Variants in LDAH observed in about 807,000 individuals in gnomAD.
The protein encoded by LDAH is lipid droplet associated hydrolase, also known as lipid droplet-associated hydrolase.
In LDAH, 26 loss-of-function variants were observed where a neutral mutation model predicts 29.6. That is an observed-to-expected ratio of 0.88 (90% CI 0.64 to 1.22). LDAH has a LOEUF of 1.22. LDAH is among the 50% of genes most tolerant of loss of function. The pLI, the probability that LDAH is intolerant of heterozygous loss-of-function variation, is 0.00. For synonymous variants in LDAH, 117 were observed against 133.0 expected, an observed-to-expected ratio of 0.88 and a Z score of 0.83; for missense variants, 344 against 387.3, an observed-to-expected ratio of 0.89 and a Z score of 0.94.
At chr2:20,760,612 T>A (rs999541304) in intron 4 of LDAH, among the ~76,000 whole-genome samples, 3 of 152,216 alleles carry the variant, frequency 2.0e-5, no homozygotes, top group African/African-American at 7.2e-5. Context: ...GGATTTCAGT[T>A]TTTTTGTTGG....
chr2:20,753,387 A>G (rs1451296996), intron 4 of LDAH, among the ~76,000 whole-genome samples: 1 of 152,246 alleles, frequency 6.6e-6, no homozygotes, highest in African/African-American at 2.4e-5. Context: ...AATACAGGCG[A>G]CTGGAATAAT....
intron 5 of LDAH, among the ~76,000 whole-genome samples, chr2:20,730,364 G>A (rs774433297): frequency 3.3e-5 from 5 of 152,278 alleles, no homozygotes; most frequent in East Asian, 1.9e-4. Flanking sequence ...GGGTAGCTGC[G>A]TGTTTAGGTT....
chr2:20,691,256 C>T (rs936921497), intron 6 of LDAH, among the ~76,000 whole-genome samples: 1 of 152,210 alleles, frequency 6.6e-6, no homozygotes, highest in African/African-American at 2.4e-5. Flanking sequence ...CTTACTGGAG[C>T]CTTGACCTCC....
chr2:20,768,397 C>G (rs1669183984), intron 4 of LDAH, among the ~76,000 whole-genome samples: 1 of 152,204 alleles, frequency 6.6e-6, no homozygotes, highest in Non-Finnish European at 1.5e-5. Context: ...AAGCTGCTTA[C>G]AGTGTGCCTG....
At chr2:20,820,877 G>A (rs889083811) in intron 1 of LDAH, among the ~76,000 whole-genome samples, 6 of 140,862 alleles carry the variant, frequency 4.3e-5, no homozygotes, top group Non-Finnish European at 7.6e-5. Context: ...CTGACAAAGG[G>A]CTAATATCCA....
chr2:20,710,367 G>A (rs1664627122), intron 5 of LDAH, among the ~76,000 whole-genome samples: 1 of 151,890 alleles, frequency 6.6e-6, no homozygotes, highest in Non-Finnish European at 1.5e-5. Flanking sequence ...AGACAAAAAT[G>A]TTAAGCTTAC....
chr2:20,759,543 G>A lies in LDAH; in HGVS notation c.468+15267C>T, dbSNP rs375990480. On this transcript the variant is annotated intron_variant, in intron 4 of 6. Transcript: ENST00000237822. The stretch of plus-strand genomic sequence containing the variant: ...TTTTCCATACAAGCTGGAAGTGAGC[G>A]TAAAACAACCTCATACATGCTGGTT... Among the ~76,000 whole-genome samples, 95 of 152,168 alleles carry A rather than the reference G, an allele frequency of 6.2e-4. 1 individual carries two copies. Among genetic ancestry groups the A allele is most frequent in the Middle Eastern group, 3.4e-3 (1 of 294 alleles).
At chr2:20,746,910 C>T (rs1246994908) in intron 4 of LDAH, among the ~76,000 whole-genome samples, 1 of 152,182 alleles carries the variant, frequency 6.6e-6, no homozygotes, top group East Asian at 1.9e-4. Flanking sequence ...GAAGCACAAC[C>T]GTGTTTTCTT....
chr2:20,754,331 A>T (rs1457087924), intron 4 of LDAH, among the ~76,000 whole-genome samples: 1 of 151,688 alleles, frequency 6.6e-6, no homozygotes. Flanking sequence ...TACTAAAAAA[A>T]TAAAAAAAAA....
At chr2:20,770,826 C>A (rs769010374) in intron 4 of LDAH, among the ~76,000 whole-genome samples, 2 of 152,096 alleles carry the variant, frequency 1.3e-5, no homozygotes, top group Non-Finnish European at 2.9e-5. Flanking sequence ...ACCAGTATGC[C>A]CCACCCCAGA....
intron 3 of LDAH, among the ~76,000 whole-genome samples, chr2:20,783,497 T>A (rs1455805472): frequency 6.6e-6 from 1 of 152,206 alleles, no homozygotes; most frequent in Non-Finnish European, 1.5e-5. Context: ...TTAAGGATTG[T>A]TATGTTTCCT....
At chr2:20,802,581 C>G (rs1671782878) in intron 1 of LDAH, among the ~76,000 whole-genome samples, 1 of 152,138 alleles carries the variant, frequency 6.6e-6, no homozygotes, top group Non-Finnish European at 1.5e-5. Context: ...CTGTCTTTCT[C>G]TTCCCCTCTC....
chr2:20,697,215 C>T (rs1396186423), intron 6 of LDAH, among the ~76,000 whole-genome samples: 2 of 152,198 alleles, frequency 1.3e-5, no homozygotes, highest in Admixed American at 6.5e-5. Context: ...TTCCCATATT[C>T]CCTGTCTTAT....
chr2:20,805,469 A>G (rs1238825826), intron 1 of LDAH, among the ~76,000 whole-genome samples: 1 of 152,202 alleles, frequency 6.6e-6, no homozygotes, highest in South Asian at 2.1e-4. Context: ...TAAGAATCCA[A>G]GGTAGTTCAG....
At chr2:20,683,562 G>C (rs1363372737), downstream of LDAH, among the ~76,000 whole-genome samples, 1 of 152,202 alleles carries the variant, frequency 6.6e-6, no homozygotes, top group South Asian at 2.1e-4. Context: ...AGAACATCCT[G>C]GGCTGTGTGC....
At chr2:20,721,240 T>C (rs1303204685) in intron 5 of LDAH, among the ~76,000 whole-genome samples, 1 of 152,168 alleles carries the variant, frequency 6.6e-6, no homozygotes, top group Non-Finnish European at 1.5e-5. Context: ...TAACAAGGGA[T>C]TAATAACCAG....
chr2:20,745,515 T>A (rs1260342984), intron 4 of LDAH, among the ~76,000 whole-genome samples: 1 of 152,186 alleles, frequency 6.6e-6, no homozygotes, highest in East Asian at 1.9e-4. Flanking sequence ...GTAGAATAGA[T>A]TTCAAGTGTT....
At chr2:20,816,328 A>ATTGGCAGAGAAGTTTCT (rs1383449941) in intron 1 of LDAH, among the ~76,000 whole-genome samples, 2 of 152,138 alleles carry the variant, frequency 1.3e-5, no homozygotes, top group African/African-American at 2.4e-5. Context: ...AAAGACAGAG[A>ATTGGCAGAGAAGTTTCT]TTGGCAGAGA....
At chr2:20,801,087 A>AACACAC (rs59015178) in intron 2 of LDAH, among the ~76,000 whole-genome samples, 113 of 148,772 alleles carry the variant, frequency 7.6e-4, no homozygotes, top group African/African-American at 2.6e-3. Context: ...CTGTGACACA[A>AACACAC]ACACACACAC....
Sources: allele counts gnomAD v4.1 joint callset (sites outside exome capture counted in the v4.1 genomes callset), GRCh38; gene constraint gnomAD v4.1.1; transcripts MANE v1.5; gene names NCBI Gene and HGNC (gene_info 2026-07-23, HGNC 2026-07-21).